EPHA7: variants seen among roughly 807,000 people sequenced by gnomAD.
EPHA7 encodes EPH receptor A7, also known as ephrin type-A receptor 7.
Under a neutral mutation model 112.6 loss-of-function variants are expected in EPHA7, and 25 were observed. That is an observed-to-expected ratio of 0.22 (90% CI 0.16 to 0.31). EPHA7 has a LOEUF of 0.31. EPHA7 is among the 10% of genes least tolerant of loss of function. EPHA7 has a pLI of 1.00. For missense variants in EPHA7, 962 were observed against 1,212.6 expected (o/e 0.79, Z 3.07); for synonymous variants, 437 against 406.5 (o/e 1.07, Z -0.90).
chr6:93,274,981 T>A (rs766150847), intron 5 of EPHA7, among the ~76,000 whole-genome samples: 36 of 151,932 alleles, frequency 2.4e-4, no homozygotes, highest in Non-Finnish European at 3.5e-4. Context: ...AACACAATGA[T>A]TTCTATGGTC....
intron 5 of EPHA7, among the ~76,000 whole-genome samples, chr6:93,347,957 G>A (rs929173334): frequency 6.6e-6 from 1 of 151,690 alleles, no homozygotes; most frequent in African/African-American, 2.4e-5. Flanking sequence ...TTTAAGAAAA[G>A]ATAAAGAAGC....
chr6:93,271,963 T>A (rs1053709059), intron 6 of EPHA7, among the ~76,000 whole-genome samples: 2 of 151,632 alleles, frequency 1.3e-5, no homozygotes, highest in African/African-American at 4.8e-5. Context: ...CTAAAGAAAA[T>A]ATTTTTCAAA....
At chr6:93,405,619 C>A (rs938519884) in intron 3 of EPHA7, among the ~76,000 whole-genome samples, 8 of 151,122 alleles carry the variant, frequency 5.3e-5, no homozygotes, top group African/African-American at 1.2e-4. Flanking sequence ...CTGACAAGAA[C>A]CCTATGAGGG....
intron 5 of EPHA7, among the ~76,000 whole-genome samples, chr6:93,336,963 G>T (rs1453226091): frequency 6.6e-6 from 1 of 151,956 alleles, no homozygotes; most frequent in Non-Finnish European, 1.5e-5. Flanking sequence ...CTCTATAGGG[G>T]TGGCAGTTTG....
chr6:93,383,178 C>T (rs1336145661), intron 3 of EPHA7, among the ~76,000 whole-genome samples: 1 of 151,712 alleles, frequency 6.6e-6, no homozygotes, highest in Non-Finnish European at 1.5e-5. Context: ...GGACATTACA[C>T]TGTAGTGTGT....
At chr6:93,305,330 A>C (rs950445452) in intron 5 of EPHA7, among the ~76,000 whole-genome samples, 26 of 152,106 alleles carry the variant, frequency 1.7e-4, no homozygotes, top group African/African-American at 6.0e-4. Context: ...AAGTCCAAAA[A>C]AAAAAAGTAA....
chr6:93,270,563 G>C (rs1378768949), intron 6 of EPHA7, among the ~76,000 whole-genome samples: 1 of 151,494 alleles, frequency 6.6e-6, no homozygotes, highest in East Asian at 1.9e-4. Flanking sequence ...CAATATTAGA[G>C]AGTTCTTATT....
At chr6:93,371,023 C>T (rs1273903488) in intron 3 of EPHA7, among the ~76,000 whole-genome samples, 5 of 151,234 alleles carry the variant, frequency 3.3e-5, no homozygotes, top group Admixed American at 6.6e-5. Flanking sequence ...ACTTAGCCAG[C>T]CGTGGCGGCG....
Position 93,403,661 on chromosome 6 carries a change from T to TA in EPHA7, c.832+6839dup, listed in dbSNP as rs59162017. 5.0e-3 allele frequency among the ~76,000 whole-genome samples: 643 copies of TA among 128,622 alleles called. 10 individuals carry two copies. Among genetic ancestry groups the TA allele is most frequent in the African/African-American group, 0.016 (539 of 34,338 alleles). The allele number at this position is 128,622 out of a possible 152,430, so 84.4% of individuals were successfully genotyped here. On this transcript the variant is annotated intron_variant, in intron 3 of 16. Transcript: ENST00000369303. ...GGGCAACATGGCAACACTCATCTCT[T>TA]AAAAAAAAAAAAAAAAGAAAAAGGA...
At chr6:93,308,566 C>A (rs944706278) in intron 5 of EPHA7, among the ~76,000 whole-genome samples, 2 of 151,994 alleles carry the variant, frequency 1.3e-5, no homozygotes, top group Non-Finnish European at 2.9e-5. Context: ...CAACATCTTA[C>A]TTACGTGTTT....
At chr6:93,311,141 T>TTTTTTTTTTTTTTTC (rs1773519550) in intron 5 of EPHA7, among the ~76,000 whole-genome samples, 1 of 132,138 alleles carries the variant, frequency 7.6e-6, no homozygotes, top group African/African-American at 2.9e-5. Context: ...TTTTTTTTTT[T>TTTTTTTTTTTTTTTC]ACAGAGATTG....
intron 7 of EPHA7, among the ~76,000 whole-genome samples, chr6:93,265,975 A>C (rs977050155): frequency 1.3e-5 from 2 of 151,696 alleles, no homozygotes; most frequent in African/African-American, 4.8e-5. Flanking sequence ...GTGTTGAAAA[A>C]CAGGAAAAAT....
At chr6:93,298,040 T>A (rs759724737) in intron 5 of EPHA7, among the ~76,000 whole-genome samples, 5 of 152,128 alleles carry the variant, frequency 3.3e-5, no homozygotes, top group African/African-American at 4.8e-5. Context: ...GGTATATCAA[T>A]ATCTGTGAAA....
intron 5 of EPHA7, among the ~76,000 whole-genome samples, chr6:93,336,540 C>T (rs1388301932): frequency 1.3e-5 from 2 of 152,040 alleles, no homozygotes; most frequent in Non-Finnish European, 2.9e-5. Flanking sequence ...GTAGCTGGGA[C>T]TACAGGCACG....
intron 3 of EPHA7, among the ~76,000 whole-genome samples, chr6:93,361,550 T>C (rs1381289360): frequency 2.0e-5 from 3 of 152,022 alleles, no homozygotes; most frequent in Non-Finnish European, 4.4e-5. Context: ...GAGAGATACA[T>C]ACATACAGGA....
At chr6:93,394,290 A>G (rs1035735214) in intron 3 of EPHA7, among the ~76,000 whole-genome samples, 5 of 151,836 alleles carry the variant, frequency 3.3e-5, no homozygotes, top group Non-Finnish European at 7.4e-5. Flanking sequence ...TCAAATACGC[A>G]CCTTTTATAT....
intron 3 of EPHA7, among the ~76,000 whole-genome samples, chr6:93,388,936 G>A (rs1777767214): frequency 6.6e-6 from 1 of 151,962 alleles, no homozygotes. Flanking sequence ...ACGCTGGAGA[G>A]TGAGTAGAAA....
At chr6:93,415,770 T>TTTA (rs1779191337) in intron 1 of EPHA7, among the ~76,000 whole-genome samples, 2 of 152,142 alleles carry the variant, frequency 1.3e-5, no homozygotes, top group Admixed American at 1.3e-4. Context: ...AGTATGTCAA[T>TTTA]AGGCTTAACA....
chr6:93,261,593 A>G (rs1422674351), intron 9 of EPHA7, among the ~76,000 whole-genome samples: 1 of 151,580 alleles, frequency 6.6e-6, no homozygotes, highest in Non-Finnish European at 1.5e-5. Context: ...TTAAAAATGA[A>G]TGTTTTAAAA....
Sources: gnomAD v4.1 joint callset for allele counts (sites outside exome capture counted in the v4.1 genomes callset) on GRCh38, gnomAD v4.1.1 for gene constraint, MANE v1.5 for transcripts, NCBI Gene and HGNC (gene_info 2026-07-23, HGNC 2026-07-21) for gene names.